The following CCDC33 variants were observed in gnomAD, a reference collection of about 807,000 sequenced individuals.
CCDC33 encodes the protein coiled-coil domain containing 33.
A neutral mutation model predicts 91.9 loss-of-function variants in CCDC33; 94 were observed. That is an observed-to-expected ratio of 1.02 (90% CI 0.87 to 1.21). The LOEUF (loss-of-function observed/expected upper bound fraction) is 1.21. Among genes scored for constraint, CCDC33 ranks in the 50% most tolerant of loss-of-function variants. The pLI is 0.00. For synonymous variants in CCDC33, 396 were observed against 374.5 expected, an observed-to-expected ratio of 1.06 and a Z score of -0.66; for missense variants, 940 against 935.5, an observed-to-expected ratio of 1.00 and a Z score of -0.06.
intron 1 of CCDC33, chr15:74,208,886 C>A (rs1317347602): frequency 4.7e-5 from 47 of 989,632 alleles, no homozygotes; most frequent in Non-Finnish European, 5.0e-5. Context: ...TCCCTCCAGG[C>A]AAGCAGGGTG....
chr15:74,205,354 TG>T (rs2074236414), intron 1 of CCDC33, among the ~76,000 whole-genome samples: 2 of 152,246 alleles, frequency 1.3e-5, no homozygotes, highest in East Asian at 3.9e-4. Flanking sequence ...CATCAGCTTC[TG>T]GGGAGGGCCT....
At chr15:74,289,736 G>A (rs2059549943) in intron 10 of CCDC33, among the ~76,000 whole-genome samples, 1 of 152,142 alleles carries the variant, frequency 6.6e-6, no homozygotes, top group African/African-American at 2.4e-5. Context: ...ACAGTGAGCT[G>A]AGATGGTGCC....
At chr15:74,268,499 G>C in intron 5 of CCDC33, 41 bp downstream of exon 5, 110 of 1,236,130 alleles carry the variant, frequency 8.9e-5, no homozygotes, top group Non-Finnish European at 1.0e-4. Flanking sequence ...GTGGGGGTGG[G>C]AAAGGGCCAA....
In CCDC33 at chr15:74,333,910, C is replaced by A; in HGVS notation, c.1968C>A (p.Phe656Leu). 1 of 1,613,682 alleles carries A rather than the reference C, an allele frequency of 6.2e-7. No individual in the cohort carries two copies. The highest frequency in any genetic ancestry group is 1.1e-5 in the South Asian group (1 of 91,036). ...TCCTCTCTGGTACTTCAGACAAGTT[C>A]AACCTCCTGGCCAAGCTGGAACACG... ...PDLLSGTSDKFNLLAKLEHAQ... is the reference protein window; with the variant it reads ...PDLLSGTSDKLNLLAKLEHAQ... Residue 656 changes from phenylalanine (F) to leucine (L), a missense_variant, in exon 17 of 19, where the codon TTC becomes TTA. Phe to Leu is a conservative substitution (Grantham distance 22, BLOSUM62 0). Transcript: ENST00000398814.
At chr15:74,205,632 A>C (rs537690677) in intron 1 of CCDC33, among the ~76,000 whole-genome samples, 1 of 152,208 alleles carries the variant, frequency 6.6e-6, no homozygotes, top group East Asian at 1.9e-4. Flanking sequence ...CATCCAAACC[A>C]TATCGGGCAC....
chr15:74,236,719 G>C lies in CCDC33; in HGVS notation c.-1G>C, dbSNP rs2075170276. The C allele has an allele frequency of 1.2e-6, 2 of 1,613,806 alleles. No homozygotes were observed. The highest frequency in any genetic ancestry group is 2.2e-5 in the East Asian group (1 of 44,888). ...GGCCAGACACTCCTGGCCTCAAGAG[G>C]ATGGGACTGAAAAACAAAAAGGTAA... On this transcript the variant is annotated 5_prime_UTR_variant, in exon 1 of 19. Coordinates refer to ENST00000398814, the MANE Select transcript of CCDC33 (RefSeq NM_025055.5).
At chr15:74,269,272 C>T (rs1181424542) in intron 5 of CCDC33, among the ~76,000 whole-genome samples, 1 of 152,022 alleles carries the variant, frequency 6.6e-6, no homozygotes, top group Non-Finnish European at 1.5e-5. Context: ...GAGCTTCCAC[C>T]TACCCAAACA....
intron 2 of CCDC33, among the ~76,000 whole-genome samples, chr15:74,230,134 G>A (rs539039388): frequency 6.6e-6 from 1 of 152,356 alleles, no homozygotes; most frequent in Non-Finnish European, 1.5e-5. Flanking sequence ...TGGGTGTGAG[G>A]GCCTGGGGTG....
At chr15:74,278,496 G>C (rs2076507969) in intron 7 of CCDC33, among the ~76,000 whole-genome samples, 1 of 152,218 alleles carries the variant, frequency 6.6e-6, no homozygotes, top group South Asian at 2.1e-4. Flanking sequence ...CCTGTGCTGG[G>C]ACCCTGCAGG....
rs150066219 is a variant in CCDC33, at chr15:74,220,774, G to T, written c.675+1913G>T. Among the ~76,000 whole-genome samples the T allele has an allele frequency of 3.3e-5, 5 of 152,268 alleles. No homozygotes were observed. In the South Asian group the frequency reaches 8.3e-4, roughly 25 times the overall value. On this transcript the variant is annotated intron_variant, in intron 2 of 2. Transcript: ENST00000635913. ...GAAAATCGCTTCCCTGGGGGAGAGT[G>T]GGGGGAGAGTCAGCAATCATAACCC...
At position 74,217,688 on chromosome 15, in the gene CCDC33, A is replaced by G. The variant is rs567203928; in HGVS notation, c.310+107A>G. The G allele has an allele frequency of 6.6e-6, 6 of 908,066 alleles. No individual in the cohort carries two copies. In the African/African-American group the frequency reaches 8.8e-5, roughly 13 times the overall value. The allele number at this position is 908,066 out of a possible 1,614,324, so 56.3% of individuals were successfully genotyped here. On this transcript the variant is annotated intron_variant, in intron 1 of 2. Coordinates refer to the CCDC33 transcript ENST00000635913. ...TCAGGAGAACTGGGAGGGTGGGGTC[A>G]GAGCTCCAGACTGCATCCCAAAGCT...
chr15:74,206,702 A>G (rs1321572015), intron 1 of CCDC33, among the ~76,000 whole-genome samples: 1 of 152,206 alleles, frequency 6.6e-6, no homozygotes, highest in Non-Finnish European at 1.5e-5. Context: ...GGGGGCCTGG[A>G]GCAGGGCCCT....
At chr15:74,332,632 G>C (rs749824852) in intron 15 of CCDC33, 47 bp from the exon 16 acceptor site, 10 of 1,600,298 alleles carry the variant, frequency 6.2e-6, no homozygotes, top group South Asian at 5.6e-5. Context: ...CAGGGACATG[G>C]GAAGCAGGAG....
rs182914040 is a variant in CCDC33, at chr15:74,305,032, C to T, written c.1290+9084C>T. Among the ~76,000 whole-genome samples the T allele has an allele frequency of 1.4e-3, 211 of 152,158 alleles. 1 individual carries two copies. The highest frequency in any genetic ancestry group is 4.5e-3 in the African/African-American group (186 of 41,500). On this transcript the variant is annotated intron_variant, in intron 11 of 18. Coordinates refer to ENST00000398814, the MANE Select transcript of CCDC33 (RefSeq NM_025055.5). ...CGTGATCTCAACTCACTGCAACCTC[C>T]GCCTCCCAGGTTCAAGTGATTCTTC...
chr15:74,272,702 G>T lies in CCDC33; in HGVS notation c.639-69G>T, dbSNP rs560239187. The T allele has an allele frequency of 1.3e-5, 20 of 1,581,522 alleles. 1 individual carries two copies. The highest frequency in any genetic ancestry group is 1.7e-4 in the Middle Eastern group (1 of 5,878). On this transcript the variant is annotated intron_variant, in intron 6 of 18. Transcript: ENST00000398814. The stretch of plus-strand genomic sequence containing the variant: ...TCTTGCATCAACCCAGAGTCTAAGC[G>T]GGGGGCCCTGGGCTGCCAGGCTCAG...
rs58676192 is a variant in CCDC33 at position 74,229,844 on chromosome 15, C to T, written c.675+10983C>T. On this transcript the variant is annotated intron_variant, in intron 2 of 2. Transcript: ENST00000635913. ...TGCTGGGCCCTGGGGACATGGTCCC[C>T]GCCCTTGGGGAAGATAGATCCTGTC... is the stretch of plus-strand genomic sequence containing the variant. Among the ~76,000 whole-genome samples, 466 of 152,356 alleles carry T rather than the reference C, an allele frequency of 3.1e-3. 3 individuals carry two copies. The highest frequency in any genetic ancestry group is 0.011 in the African/African-American group (450 of 41,590).
chr15:74,333,735 T>A, intron 16 of CCDC33, 146 bp from the exon 17 acceptor site: 1 of 598,874 alleles, frequency 1.7e-6, no homozygotes. Flanking sequence ...CAGAAGAGGG[T>A]TCGGCCCAGG....
chr15:74,238,077 G>A (rs941621137), intron 1 of CCDC33, among the ~76,000 whole-genome samples: 2 of 152,150 alleles, frequency 1.3e-5, no homozygotes, highest in Admixed American at 6.5e-5. Flanking sequence ...GCAGTGAGCC[G>A]AGATCACGCC....
intron 1 of CCDC33, among the ~76,000 whole-genome samples, chr15:74,237,844 G>A (rs946436308): frequency 7.2e-5 from 11 of 152,198 alleles, no homozygotes; most frequent in Admixed American, 2.0e-4. Flanking sequence ...GGGTAGAATC[G>A]CCTATAAGGA....
Sources: gnomAD v4.1 joint callset for allele counts (sites outside exome capture counted in the v4.1 genomes callset) on GRCh38, gnomAD v4.1.1 for gene constraint, MANE v1.5 for transcripts, NCBI Gene and HGNC (gene_info 2026-07-23, HGNC 2026-07-21) for gene names.